Variants in PITPNM2 observed in about 807,000 individuals in gnomAD.
The protein encoded by PITPNM2 is phosphatidylinositol transfer protein membrane associated 2.
Under a neutral mutation model 132.2 loss-of-function variants are expected in PITPNM2, and 35 were observed. The ratio of observed to expected loss-of-function variants is 0.26; its 90% CI spans 0.20 to 0.35. The LOEUF (loss-of-function observed/expected upper bound fraction) is 0.35, where lower values mean the gene tolerates loss of function less well. Ranked by LOEUF, PITPNM2 falls within the 10% of genes least tolerant of loss-of-function variation. PITPNM2 has a pLI of 1.00. For missense variants in PITPNM2, 1,332 were observed against 1,912.0 expected (o/e 0.70, Z 5.66); for synonymous variants, 738 against 799.2 (o/e 0.92, Z 1.29).
In PITPNM2 at chr12:123,099,830, A is replaced by T. The variant is rs186731414; in HGVS notation, c.-96+10555T>A. 7.8e-4 allele frequency among the ~76,000 whole-genome samples: 118 copies of T among 152,214 alleles called. No homozygotes were observed. The highest frequency in any genetic ancestry group is 1.3e-3 in the Non-Finnish European group (89 of 68,002). ...AGAGAGATGCACAGATGTGCCAGGC[A>T]CTGACAGCCTGGGAGGCCTATTCCC... On this transcript the variant is annotated intron_variant, in intron 2 of 25. Coordinates refer to ENST00000320201, the MANE Select transcript of PITPNM2 (RefSeq NM_020845.3). This position sits in a 1 kb window ranked among gnomAD's most constrained non-coding sequence, Gnocchi z 4.2.
chr12:123,086,746 T>TC (rs1259632766), intron 2 of PITPNM2, among the ~76,000 whole-genome samples: 10 of 152,188 alleles, frequency 6.6e-5, no homozygotes, highest in Non-Finnish European at 1.0e-4. Context: ...CCACCACTGT[T>TC]CCATAGGGTA....
At chr12:123,024,761 G>T (rs2136354784) in intron 3 of PITPNM2, among the ~76,000 whole-genome samples, 1 of 152,274 alleles carries the variant, frequency 6.6e-6, no homozygotes, top group East Asian at 1.9e-4. Context: ...GGTTGCCTGG[G>T]GCTGGGGTGA....
At chr12:123,118,230 C>A (rs1202351454) in intron 1 of PITPNM2, among the ~76,000 whole-genome samples, 1 of 152,164 alleles carries the variant, frequency 6.6e-6, no homozygotes, top group Non-Finnish European at 1.5e-5. Flanking sequence ...CTAATCTTAG[C>A]CTTCTTAGAA....
At position 123,009,117 on chromosome 12, in the gene PITPNM2, T is replaced by TGTTC. The variant is rs2039064100; in HGVS notation, c.643+729_643+732dup. On this transcript the variant is annotated intron_variant, in intron 6 of 25. Coordinates refer to ENST00000320201, the MANE Select transcript of PITPNM2 (RefSeq NM_020845.3). The surrounding 1 kb of genome is among the most constrained non-coding windows in gnomAD (Gnocchi z 4.8). The stretch of plus-strand genomic sequence containing the variant: ...ATATGTACTGTCAACAGTGTGGCTC[T>TGTTC]GTTCAATCTTAAATAAAGTCACCCT... Among the ~76,000 whole-genome samples, 2 of 152,252 alleles carry TGTTC rather than the reference T, an allele frequency of 1.3e-5. No homozygotes were observed. Among genetic ancestry groups the TGTTC allele is most frequent in the Admixed American group, 6.5e-5 (1 of 15,288 alleles).
At position 123,082,427 on chromosome 12, in the gene PITPNM2, A is replaced by C. The variant is rs1008621811; in HGVS notation, c.-96+27958T>G. The stretch of plus-strand genomic sequence containing the variant: ...TTAAAAATTGTACATGTAACATAAA[A>C]TTTACCATCTTAGCCATTTCTTTAT... On this transcript the variant is annotated intron_variant, in intron 2 of 25. Coordinates refer to ENST00000320201, the MANE Select transcript of PITPNM2 (RefSeq NM_020845.3). The surrounding 1 kb of genome is among the most constrained non-coding windows in gnomAD (Gnocchi z 5.4). 6.6e-6 allele frequency among the ~76,000 whole-genome samples: 1 copy of C among 152,078 alleles called. No homozygotes were observed. The highest frequency in any genetic ancestry group is 1.5e-5 in the Non-Finnish European group (1 of 68,022).
In PITPNM2 at chr12:122,994,915, C is replaced by A; in HGVS notation, c.2119G>T (p.Asp707Tyr). 2 of 1,612,106 alleles carry A rather than the reference C, an allele frequency of 1.2e-6. No individual in the cohort carries two copies. Among genetic ancestry groups the A allele is most frequent in the South Asian group, 1.1e-5 (1 of 90,912 alleles). ...AACCTGCCCAGGGCACCTGTGCCAT[C>A]CAGCATGGTGGAGCTGCTGGAATGG... ...SRHSSSSTML[D>Y]GTGALGRFDF... The change falls in exon 15 of 26, where the codon GAT becomes TAT. Residue 707 changes from aspartate to tyrosine, a missense_variant. Asp to Tyr is a radical substitution (Grantham distance 160). Transcript: ENST00000320201. The surrounding 1 kb of genome is among the most constrained non-coding windows in gnomAD (Gnocchi z 5.4).
At chr12:123,025,707 C>G (rs1305080900) in intron 3 of PITPNM2, among the ~76,000 whole-genome samples, 1 of 152,164 alleles carries the variant, frequency 6.6e-6, no homozygotes, top group Admixed American at 6.5e-5. Flanking sequence ...GCTGGGATTA[C>G]AGGTGTGAGC....
chr12:123,015,036 A>T (rs944521090), intron 3 of PITPNM2, among the ~76,000 whole-genome samples: 7 of 152,250 alleles, frequency 4.6e-5, no homozygotes, highest in African/African-American at 1.4e-4. Context: ...AAGAAATTAA[A>T]GTTCTAAATA....
intron 2 of PITPNM2, among the ~76,000 whole-genome samples, chr12:123,093,356 A>T (rs2042320301): frequency 6.6e-6 from 1 of 152,234 alleles, no homozygotes; most frequent in South Asian, 2.1e-4. Flanking sequence ...TGTGGTGTTC[A>T]TTATACAACT....
At chr12:123,105,615 T>A (rs1314233914) in intron 2 of PITPNM2, 1 of 152,126 alleles carries the variant, frequency 6.6e-6, no homozygotes, top group East Asian at 1.9e-4. Context: ...TGACGACACC[T>A]GGTTACCGGG....
chr12:123,080,993 A>C (rs945551384), intron 2 of PITPNM2, among the ~76,000 whole-genome samples: 7 of 152,358 alleles, frequency 4.6e-5, no homozygotes, highest in African/African-American at 7.2e-5. Flanking sequence ...GAACTTTTCC[A>C]TTTTATTTCA....
At chr12:123,104,300 T>C (rs1186734046) in intron 2 of PITPNM2, among the ~76,000 whole-genome samples, 4 of 152,192 alleles carry the variant, frequency 2.6e-5, no homozygotes, top group African/African-American at 4.8e-5. Flanking sequence ...TGCCTCTCCC[T>C]GTCAGGCCTC....
chr12:123,151,148 C>T (rs2043738671), upstream of PITPNM2, among the ~76,000 whole-genome samples: 1 of 146,506 alleles, frequency 6.8e-6, no homozygotes, highest in South Asian at 2.1e-4. Context: ...CCTCCTCAGG[C>T]CGCGCGGGGG....
chr12:123,013,703 C>T, intron 4 of PITPNM2, 125 bp downstream of exon 4: 9 of 1,115,908 alleles, frequency 8.1e-6, no homozygotes, highest in Non-Finnish European at 1.2e-5. Context: ...CCTGGGTTCC[C>T]TGGGGTTATG....
At chr12:123,139,471 A>G (rs1206612577) in intron 1 of PITPNM2, among the ~76,000 whole-genome samples, 3 of 151,476 alleles carry the variant, frequency 2.0e-5, no homozygotes, top group African/African-American at 7.3e-5. Context: ...ACTGCACTCC[A>G]GCCTGGGCGA....
intron 6 of PITPNM2, chr12:123,007,474 C>A: frequency 2.2e-6 from 1 of 449,490 alleles, no homozygotes; most frequent in Non-Finnish European, 4.5e-6. Context: ...TCCCCTAGAG[C>A]ATGCTGAGCG....
At chr12:123,025,753 G>A (rs1260930812) in intron 3 of PITPNM2, among the ~76,000 whole-genome samples, 1 of 152,160 alleles carries the variant, frequency 6.6e-6, no homozygotes, top group Admixed American at 6.5e-5. Flanking sequence ...GATTTGTAGT[G>A]AAAACAGCAA....
intron 8 of PITPNM2, among the ~76,000 whole-genome samples, chr12:123,002,841 G>C (rs1426116035): frequency 6.6e-6 from 1 of 152,124 alleles, no homozygotes; most frequent in South Asian, 2.1e-4. Context: ...ATTTCTTTCT[G>C]TTGGGAATGT....
Position 123,031,770 on chromosome 12 carries a change from G to A in PITPNM2, c.78+2743C>T, listed in dbSNP as rs77193970. Among the ~76,000 whole-genome samples, 6,513 of 152,218 alleles carry A rather than the reference G, an allele frequency of 0.043. 190 individuals are homozygous for A. The highest frequency in any genetic ancestry group is 0.17 in the East Asian group (875 of 5,176). ...TGCCTGTCACAGAAGCACCTCTCCC[G>A]GCAATACCTGGTTTCTTTCACCTTT... On this transcript the variant is annotated intron_variant, in intron 3 of 25. Transcript: ENST00000320201. The surrounding 1 kb of genome is among the most constrained non-coding windows in gnomAD (Gnocchi z 4.5).
Sources: gnomAD v4.1 joint callset for allele counts (sites outside exome capture counted in the v4.1 genomes callset) on GRCh38, gnomAD v4.1.1 for gene constraint, Gnocchi (gnomAD v3.1) non-coding constraint, MANE v1.5 for transcripts, NCBI Gene and HGNC (gene_info 2026-07-23, HGNC 2026-07-21) for gene names.